Variants in PFDN6 observed in about 807,000 individuals in gnomAD.
PFDN6 encodes the protein HLA class II region expressed gene KE2.
A neutral mutation model predicts 19.3 loss-of-function variants in PFDN6; 5 were observed. That is an observed-to-expected ratio of 0.26 (90% confidence interval 0.14 to 0.55). PFDN6 has a LOEUF of 0.55. Among genes scored for constraint, PFDN6 ranks in the 20% least tolerant of loss-of-function variants. The pLI, the probability that PFDN6 is intolerant of heterozygous loss-of-function variation, is 0.94. For synonymous variants in PFDN6, 51 were observed against 63.4 expected, an observed-to-expected ratio of 0.80 and a Z score of 0.93; for missense variants, 101 against 149.4, an observed-to-expected ratio of 0.68 and a Z score of 1.69.
intron 1 of PFDN6, 114 bp downstream of exon 1, chr6:33,290,034 C>A: frequency 7.9e-7 from 1 of 1,270,826 alleles, no homozygotes; most frequent in Non-Finnish European, 1.1e-6. Context: ...TTCCCCGCCT[C>A]AGTCTCAGTA....
In PFDN6 at chr6:33,290,433, C is replaced by T; in HGVS notation, c.243C>T (p.Asp81=). Residue 81 remains aspartate, a synonymous_variant, in exon 3 of 4, where the codon GAC becomes GAT. Transcript: ENST00000374606. ...GGGCCACAGTAGGGAAGAGGCTGGA[C>T]TATATCACAGCTGAAATGTGAGTTT... ...EARATVGKRL[D]YITAEIKRYE... is the part of the protein sequence containing the mutation. The T allele has an allele frequency of 6.4e-7, 1 of 1,568,794 alleles. No homozygotes were observed. The highest frequency in any genetic ancestry group is 8.6e-7 in the Non-Finnish European group (1 of 1,159,864).
chr6:33,289,819 C>T lies in PFDN6; in HGVS notation c.-38C>T, dbSNP rs201376547. Reference sequence around the variant, plus strand: ...GTACCTTCCAGAGAGTGAGACCCAGCGCCCTTGTCTCGCACCCAGTAGGCT... The same window carrying T: ...GTACCTTCCAGAGAGTGAGACCCAGTGCCCTTGTCTCGCACCCAGTAGGCT... On this transcript the variant is annotated 5_prime_UTR_variant, in exon 1 of 4. Transcript: ENST00000374606. 3 of 1,525,524 alleles carry T rather than the reference C, an allele frequency of 2.0e-6. No individual in the cohort carries two copies. Among genetic ancestry groups the T allele is most frequent in the Non-Finnish European group, 2.7e-6 (3 of 1,127,396 alleles). 94.5% of individuals were successfully genotyped at this position (1,525,524 alleles called of 1,614,324 possible). A position where few individuals can be genotyped will look rare whatever the true frequency, so the allele number is the denominator to read the frequency against.
At chr6:33,289,334 G>A, upstream of PFDN6, 3 of 1,380,106 alleles carry the variant, frequency 2.2e-6, no homozygotes, top group Non-Finnish European at 1.9e-6. Context: ...CCTTAGAGGG[G>A]CGGAACAGTT....
At position 33,289,647 on chromosome 6, in the gene PFDN6, A is replaced by AAG; in HGVS notation, c.-210_-209insAG. 1 of 548,294 alleles carries AAG rather than the reference A, an allele frequency of 1.8e-6. No homozygotes were observed. 34.0% of individuals were successfully genotyped at this position (548,294 alleles called of 1,614,324 possible). On this transcript the variant is annotated 5_prime_UTR_variant, in exon 1 of 4. Coordinates refer to ENST00000374606, the MANE Select transcript of PFDN6 (RefSeq NM_001185181.3). ...TGAGTAGGTTAGGATTTCGGTTGAG[A>AAG]GGCTTGGGGTCTTGCGTTTCGCCCA...
chr6:33,290,505 G>A (rs1562645987), intron 3 of PFDN6, 55 bp downstream of exon 3: 2 of 1,523,278 alleles, frequency 1.3e-6, no homozygotes, highest in Non-Finnish European at 1.8e-6. Flanking sequence ...GTGAACCATT[G>A]GAGTAGAGGT....
chr6:33,290,873 G>C lies in PFDN6; in HGVS notation c.*28G>C, dbSNP rs1012216426. 6.4e-7 allele frequency: 1 copy of C among 1,572,548 alleles called. No homozygotes were observed. The highest frequency in any genetic ancestry group is 8.6e-7 in the Non-Finnish European group (1 of 1,163,686). Reference sequence around the variant, plus strand: ...CCATGGTGGGGGGAGGGGAGGGGAGGGGAGGGAATGAGGCAGCTCTAGGAT... The same window carrying C: ...CCATGGTGGGGGGAGGGGAGGGGAGCGGAGGGAATGAGGCAGCTCTAGGAT... On this transcript the variant is annotated 3_prime_UTR_variant, in exon 4 of 4. Coordinates refer to ENST00000374606, the MANE Select transcript of PFDN6 (RefSeq NM_001185181.3).
Position 33,290,444 on chromosome 6 carries a change from C to G in PFDN6, c.254C>G (p.Ala85Gly), listed in dbSNP as rs1767238252. ...TVGKRLDYIT[A>G]EIKRYESQLR... ...GGGAAGAGGCTGGACTATATCACAG[C>G]TGAAATGTGAGTTTTTATTCCACCA... Residue 85 changes from alanine (A) to glycine (G), a missense_variant, in exon 3 of 4, where the codon GCT becomes GGT. Physicochemically the swap from Ala to Gly is moderately conservative, Grantham distance 60. Around this residue, in one of 2 missense-constraint regions of PFDN6, gnomAD observed 54 missense variants for 108.8 expected, o/e 0.50. Transcript: ENST00000374606. The G allele has an allele frequency of 6.5e-7, 1 of 1,550,242 alleles. No homozygotes were observed. The highest frequency in any genetic ancestry group is 1.2e-5 in the South Asian group (1 of 80,856).
In PFDN6 at chr6:33,289,679, C is replaced by T; in HGVS notation, c.-178C>T. On this transcript the variant is annotated 5_prime_UTR_variant, in exon 1 of 4. Transcript: ENST00000374606. ...GGGTCTTGCGTTTCGCCCACCATCT[C>T]CTGGGGACAGGGTGGAGTCGATATC... is the stretch of plus-strand genomic sequence containing the variant. The T allele has an allele frequency of 1.8e-6, 1 of 563,258 alleles. No individual in the cohort carries two copies. The highest frequency in any genetic ancestry group is 4.0e-5 in the South Asian group (1 of 24,930). The allele number at this position is 563,258 out of a possible 1,614,324, so 34.9% of individuals were successfully genotyped here.
Position 33,290,826 on chromosome 6 carries a change from G to C in PFDN6, c.371G>C (p.Gly124Ala). ...CAGCGGGCCCAGGCAGCAAAGGCAG[G>C]GGCTCCTGGCAAGGCCTGACCCCAT... ...EFQRAQAAKA[G>A]APGKA The change falls in exon 4 of 4, where the codon GGG becomes GCG. Residue 124 changes from glycine to alanine, a missense_variant. Around this residue, in one of 2 missense-constraint regions of PFDN6, gnomAD observed 47 missense variants for 40.6 expected, o/e 1.16. Coordinates refer to ENST00000374606, the MANE Select transcript of PFDN6 (RefSeq NM_001185181.3). 1 of 1,601,856 alleles carries C rather than the reference G, an allele frequency of 6.2e-7. No individual in the cohort carries two copies. The highest frequency in any genetic ancestry group is 8.5e-7 in the Non-Finnish European group (1 of 1,179,588).
chr6:33,289,825 T>G lies in PFDN6; in HGVS notation c.-32T>G, dbSNP rs1211003276. On this transcript the variant is annotated 5_prime_UTR_variant, in exon 1 of 4. Coordinates refer to ENST00000374606, the MANE Select transcript of PFDN6 (RefSeq NM_001185181.3). ...TCCAGAGAGTGAGACCCAGCGCCCTTGTCTCGCACCCAGTAGGCTTTCATC... is the reference window on the plus strand; with the variant it reads ...TCCAGAGAGTGAGACCCAGCGCCCTGGTCTCGCACCCAGTAGGCTTTCATC... The G allele has an allele frequency of 2.6e-6, 4 of 1,554,260 alleles. No homozygotes were observed. In the African/African-American group the frequency reaches 5.5e-5, roughly 21 times the overall value.
rs1459245443 is a variant in PFDN6, at chr6:33,290,355, G to T, written c.165G>T (p.Val55=). ...TGGCCCTGCTGGATGGGTCCAACGT[G>T]GTCTTTAAACTTCTGGGTCCGGTGC... The part of the protein sequence containing the change: ...EELALLDGSN[V]VFKLLGPVLV... Residue 55 remains valine (V), a synonymous_variant, in exon 3 of 4, where the codon GTG becomes GTT. Transcript: ENST00000374606. 1.9e-6 allele frequency: 3 copies of T among 1,609,634 alleles called. No individual in the cohort carries two copies. The highest frequency in any genetic ancestry group is 2.5e-6 in the Non-Finnish European group (3 of 1,177,240).
Position 33,290,347 on chromosome 6 carries a change from T to C in PFDN6, c.157T>C (p.Ser53Pro). The C allele has an allele frequency of 6.2e-7, 1 of 1,609,936 alleles. No homozygotes were observed. The highest frequency in any genetic ancestry group is 8.5e-7 in the Non-Finnish European group (1 of 1,177,346). Residue 53 changes from serine (S) to proline (P), a missense_variant, in exon 3 of 4, where the codon TCC (serine) becomes CCC (proline). Ser to Pro is a moderately conservative substitution (Grantham distance 74). Around this residue, in one of 2 missense-constraint regions of PFDN6, gnomAD observed 54 missense variants for 108.8 expected, o/e 0.50. Transcript: ENST00000374606. ...TCAGGAACTGGCCCTGCTGGATGGG[T>C]CCAACGTGGTCTTTAAACTTCTGGG... ...VKEELALLDG[S>P]NVVFKLLGPV...
chr6:33,289,755 C>G lies in PFDN6; in HGVS notation c.-102C>G. ...CCCTCAGGGCTACCTCTCAAGAGTG[C>G]TATCATTTCCGCAGGCCAGATCAGA... On this transcript the variant is annotated 5_prime_UTR_variant, in exon 1 of 4. Transcript: ENST00000374606. The G allele has an allele frequency of 2.1e-6, 2 of 946,008 alleles. No homozygotes were observed. Among genetic ancestry groups the G allele is most frequent in the Non-Finnish European group, 3.2e-6 (2 of 632,408 alleles). 58.6% of individuals were successfully genotyped at this position (946,008 alleles called of 1,614,324 possible). A position where few individuals can be genotyped will look rare whatever the true frequency, so the allele number is the denominator to read the frequency against.
At chr6:33,290,554 A>T in intron 3 of PFDN6, 104 bp downstream of exon 3, 1 of 1,475,134 alleles carries the variant, frequency 6.8e-7, no homozygotes, top group Non-Finnish European at 9.2e-7. Context: ...AGTGGCCCCT[A>T]GTCCTCCAGT....
chr6:33,290,842 C>T lies in PFDN6; in HGVS notation c.387C>T (p.Ala129=). ...QAAKAGAPGK[A] The stretch of plus-strand genomic sequence containing the variant: ...CAAAGGCAGGGGCTCCTGGCAAGGC[C>T]TGACCCCATGGTGGGGGGAGGGGAG... Residue 129 remains alanine (A), a synonymous_variant, in exon 4 of 4, where the codon GCC becomes GCT. Transcript: ENST00000374606. The T allele has an allele frequency of 6.3e-7, 1 of 1,597,580 alleles. No individual in the cohort carries two copies.
rs1293682216 is a variant in PFDN6 at position 33,290,857 on chromosome 6, G to A, written c.*12G>A. On this transcript the variant is annotated 3_prime_UTR_variant, in exon 4 of 4. Coordinates refer to ENST00000374606, the MANE Select transcript of PFDN6 (RefSeq NM_001185181.3). ...CTGGCAAGGCCTGACCCCATGGTGG[G>A]GGGAGGGGAGGGGAGGGGAGGGAAT... The A allele has an allele frequency of 1.3e-6, 2 of 1,558,060 alleles. No individual in the cohort carries two copies. Among genetic ancestry groups the A allele is most frequent in the Non-Finnish European group, 1.7e-6 (2 of 1,151,294 alleles).
upstream of PFDN6, chr6:33,289,225 T>C (rs756451847): frequency 1.2e-4 from 190 of 1,576,804 alleles, no homozygotes; most frequent in Non-Finnish European, 1.5e-4. Flanking sequence ...TGCCACACAG[T>C]CGGCTTGAAA....
intron 3 of PFDN6, 21 bp downstream of exon 3, chr6:33,290,471 C>T (rs776834532): frequency 2.6e-6 from 4 of 1,540,618 alleles, no homozygotes; most frequent in African/African-American, 2.8e-5. Context: ...ATTCCACCAC[C>T]GTGTGCTGCA....
intron 3 of PFDN6, 97 bp downstream of exon 3, chr6:33,290,547 G>A: frequency 6.7e-7 from 1 of 1,486,164 alleles, no homozygotes; most frequent in Non-Finnish European, 9.1e-7. Flanking sequence ...TCTCCATAGT[G>A]GCCCCTAGTC....
Sources: allele counts gnomAD v4.1 joint callset, GRCh38; gene constraint gnomAD v4.1.1; regional missense constraint gnomAD v4.1.1; transcripts MANE v1.5; gene names NCBI Gene and HGNC (gene_info 2026-07-23, HGNC 2026-07-21).